The following WLS variants were observed in gnomAD, a reference collection of about 807,000 sequenced individuals.
WLS encodes protein wntless homolog.
A neutral mutation model predicts 62.8 loss-of-function variants in WLS; 23 were observed. That is an observed-to-expected ratio of 0.37 (90% CI 0.26 to 0.52). WLS has a LOEUF of 0.52. WLS is among the 20% of genes least tolerant of loss of function. The pLI, the probability that WLS is intolerant of heterozygous loss-of-function variation, is 0.92. For missense variants in WLS, 615 were observed against 697.3 expected, an observed-to-expected ratio of 0.88 and a Z score of 1.33; for synonymous variants, 246 against 244.1, an observed-to-expected ratio of 1.01 and a Z score of -0.07.
At position 68,110,651 on chromosome 1, in the gene WLS, A is replaced by ATCTC. The variant is rs752431176; in HGVS notation, c.1511-11902_1511-11899dup. Among the ~76,000 whole-genome samples the ATCTC allele has an allele frequency of 6.8e-3, 864 of 126,182 alleles. 10 individuals carry two copies. The highest frequency in any genetic ancestry group is 0.025 in the African/African-American group (801 of 32,482). The allele number at this position is 126,182 out of a possible 152,430, so 82.8% of individuals were successfully genotyped here. On this transcript the variant is annotated intron_variant, in intron 11 of 11. Coordinates refer to the WLS transcript ENST00000354777. Reference sequence around the variant, plus strand: ...GGAACAGACTAAGAAGCCCCCAAAAATCTCTGTCTCTCTCTCTCTCTCTCT... The same window carrying ATCTC: ...GGAACAGACTAAGAAGCCCCCAAAAATCTCTCTCTGTCTCTCTCTCTCTCTCTCT...
intron 11 of WLS, among the ~76,000 whole-genome samples, chr1:68,133,069 G>A (rs776831125): frequency 1.2e-4 from 12 of 103,886 alleles, no homozygotes; most frequent in East Asian, 6.2e-4. Flanking sequence ...AGCAACAGCA[G>A]CAGCAGCAGC....
At chr1:68,190,885 C>T (rs777880252) in intron 2 of WLS, among the ~76,000 whole-genome samples, 8 of 152,126 alleles carry the variant, frequency 5.3e-5, no homozygotes, top group Middle Eastern at 3.4e-3. Flanking sequence ...TGGAGAAACC[C>T]CGTCTCTACT....
intron 1 of WLS, among the ~76,000 whole-genome samples, chr1:68,212,077 C>T (rs12034030): frequency 0.26 from 38,945 of 152,034 alleles, 6,216 homozygotes; most frequent in East Asian, 0.79. Flanking sequence ...GCTTTCCTTC[C>T]CCCTTTTTTG....
chr1:68,115,216 T>C (rs987076859), intron 11 of WLS, among the ~76,000 whole-genome samples: 3 of 152,334 alleles, frequency 2.0e-5, no homozygotes, highest in South Asian at 2.1e-4. Flanking sequence ...ATCCAGATCA[T>C]GCAAGAGGTG....
At chr1:68,120,837 G>T (rs1332047809), downstream of WLS, among the ~76,000 whole-genome samples, 1 of 152,134 alleles carries the variant, frequency 6.6e-6, no homozygotes, top group African/African-American at 2.4e-5. Context: ...CTAGCAATTG[G>T]AACCAATTCA....
chr1:68,191,542 T>C (rs1648303257), intron 2 of WLS, among the ~76,000 whole-genome samples: 1 of 152,168 alleles, frequency 6.6e-6, no homozygotes. Context: ...GGTTTAAGTG[T>C]CTGTTTTCCA....
At chr1:68,228,233 G>C (rs1002849771) in intron 1 of WLS, 37 of 445,012 alleles carry the variant, frequency 8.3e-5, no homozygotes, top group Non-Finnish European at 1.6e-4. Flanking sequence ...TTTATGTTTG[G>C]AATAGTCTCA....
chr1:68,211,609 G>A (rs980666568), intron 1 of WLS, among the ~76,000 whole-genome samples: 2 of 152,194 alleles, frequency 1.3e-5, no homozygotes, highest in African/African-American at 4.8e-5. Context: ...AAATTGAGAT[G>A]CTTGGATTTT....
At chr1:68,169,354 A>G (rs1043669648) in intron 2 of WLS, among the ~76,000 whole-genome samples, 3 of 152,136 alleles carry the variant, frequency 2.0e-5, no homozygotes, top group African/African-American at 7.2e-5. Flanking sequence ...GGAGACATCA[A>G]TTTTTTTAAA....
At chr1:68,115,515 T>C (rs1646279807) in intron 11 of WLS, among the ~76,000 whole-genome samples, 1 of 152,208 alleles carries the variant, frequency 6.6e-6, no homozygotes, top group Non-Finnish European at 1.5e-5. Context: ...GAGTGCTGGC[T>C]GTGTGACACA....
At chr1:68,217,633 A>G (rs979934602) in intron 1 of WLS, among the ~76,000 whole-genome samples, 1 of 152,208 alleles carries the variant, frequency 6.6e-6, no homozygotes, top group East Asian at 1.9e-4. Context: ...CACAAAACCC[A>G]TGCCTTAAAA....
chr1:68,121,009 C>A (rs1179889757), downstream of WLS: 1 of 152,140 alleles, frequency 6.6e-6, no homozygotes. Flanking sequence ...TTGCTGAATA[C>A]AGAGAAGGTA....
At chr1:68,144,753 C>A in intron 9 of WLS, 101 bp from the exon 10 acceptor site, 1 of 914,330 alleles carries the variant, frequency 1.1e-6, no homozygotes, top group Non-Finnish European at 1.7e-6. Flanking sequence ...ATCTGTAAAA[C>A]CAAATCCCTA....
Position 68,145,928 on chromosome 1 carries a change from T to G in WLS, c.1219A>C (p.Ile407Leu). The stretch of plus-strand genomic sequence containing the variant: ...GGCAGGCTGGACTGCTTCCCACTGA[T>G]GTTCCGAAACACCTGAAATACCATG... ...CFMVFQVFRN[I>L]SGKQSSLPAM... Residue 407 changes from isoleucine to leucine, a missense_variant, in exon 9 of 12, where the codon ATC (isoleucine) becomes CTC (leucine). By Grantham distance (5) the Ile-to-Leu change is conservative. Coordinates refer to ENST00000262348, the MANE Select transcript of WLS (RefSeq NM_024911.7). 1 of 1,614,138 alleles carries G rather than the reference T, an allele frequency of 6.2e-7. No homozygotes were observed. Among genetic ancestry groups the G allele is most frequent in the Non-Finnish European group, 8.5e-7 (1 of 1,180,026 alleles).
rs140291282 is a variant in WLS at position 68,134,223 on chromosome 1, C to T, written c.1516+3557G>A. Among the ~76,000 whole-genome samples, 41 of 152,190 alleles carry T rather than the reference C, an allele frequency of 2.7e-4. 1 individual carries two copies. In the East Asian group the frequency reaches 2.7e-3, roughly 10 times the overall value. The stretch of plus-strand genomic sequence containing the variant: ...AACTTCGAAATCTTGGCAAATGCTC[C>T]GTAATTCCTAGGATACATCGTGTGA... On this transcript the variant is annotated intron_variant, in intron 11 of 11. Coordinates refer to ENST00000262348, the MANE Select transcript of WLS (RefSeq NM_024911.7).
chr1:68,144,418 T>G, intron 10 of WLS, 151 bp downstream of exon 10: 2 of 620,450 alleles, frequency 3.2e-6, no homozygotes, highest in Non-Finnish European at 5.2e-6. Context: ...TTTGGCCAGG[T>G]GATATCAAGA....
At position 68,125,719 on chromosome 1, in the gene WLS, A is replaced by ACCAG; in HGVS notation, c.*506_*507insCTGG. 1.0e-6 allele frequency: 1 copy of ACCAG among 986,302 alleles called. No individual in the cohort carries two copies. The highest frequency in any genetic ancestry group is 1.2e-6 in the Non-Finnish European group (1 of 830,524). The allele number at this position is 986,302 out of a possible 1,614,324, so 61.1% of individuals were successfully genotyped here. A position where few individuals can be genotyped will look rare whatever the true frequency, so the allele number is the denominator to read the frequency against. On this transcript the variant is annotated 3_prime_UTR_variant, in exon 12 of 12. Transcript: ENST00000262348. ...CTATTGACAACTTAAATATTAACTCAGTGGGCTACCTGGTGATATAAATAG... is the reference window on the plus strand; with the variant it reads ...CTATTGACAACTTAAATATTAACTCACCAGGTGGGCTACCTGGTGATATAAATAG...
intron 2 of WLS, among the ~76,000 whole-genome samples, chr1:68,180,657 T>C (rs113034101): frequency 0.078 from 11,906 of 152,188 alleles, 498 homozygotes; most frequent in Admixed American, 0.1. Context: ...TACCAATAAA[T>C]AGCATGGGCT....
intron 8 of WLS, among the ~76,000 whole-genome samples, chr1:68,146,615 C>T (rs572402393): frequency 6.6e-6 from 1 of 152,286 alleles, no homozygotes; most frequent in East Asian, 1.9e-4. Context: ...GGGACCTGGG[C>T]ATGGGCTTGA....
Sources: allele counts gnomAD v4.1 joint callset (sites outside exome capture counted in the v4.1 genomes callset), GRCh38; gene constraint gnomAD v4.1.1; transcripts MANE v1.5; gene names NCBI Gene and HGNC (gene_info 2026-07-23, HGNC 2026-07-21).